MLIP: variants seen among roughly 807,000 people sequenced by gnomAD.
MLIP encodes the protein muscular LMNA-interacting protein.
MLIP carries 79 observed loss-of-function variants against 84.8 expected under a neutral mutation model. The observed-to-expected ratio is 0.93, with a 90% confidence interval of 0.78 to 1.12. MLIP has a LOEUF of 1.12. Ranked by LOEUF, MLIP falls within the 50% of genes most tolerant of loss-of-function variation. The pLI, the probability that MLIP is intolerant of heterozygous loss-of-function variation, is 0.00. For synonymous variants in MLIP, 504 were observed against 463.0 expected, an observed-to-expected ratio of 1.09 and a Z score of -1.14; for missense variants, 1,257 against 1,160.6, an observed-to-expected ratio of 1.08 and a Z score of -1.21.
At chr6:54,155,514 G>A (rs1429559596) in intron 5 of MLIP, among the ~76,000 whole-genome samples, 1 of 152,092 alleles carries the variant, frequency 6.6e-6, no homozygotes, top group Non-Finnish European at 1.5e-5. Context: ...AAAGTTTACA[G>A]ATTCTGTTAG....
chr6:54,146,577 TAATTCTA>T (rs1772863535), intron 4 of MLIP, among the ~76,000 whole-genome samples: 1 of 152,220 alleles, frequency 6.6e-6, no homozygotes, highest in African/African-American at 2.4e-5. Flanking sequence ...AATTTTGTAC[TAATTCTA>T]ACACTTAGAC....
rs548314495 is a variant in MLIP at position 54,058,763 on chromosome 6, T to C, written c.63+39672T>C. On this transcript the variant is annotated intron_variant, in intron 1 of 12. Transcript: ENST00000274897. The stretch of plus-strand genomic sequence containing the variant: ...ATCATACAAAAAATTGTTAGTGACA[T>C]TGGACCCTCAAACAAATATCAGATA... 7.2e-5 allele frequency among the ~76,000 whole-genome samples: 11 copies of C among 152,316 alleles called. No homozygotes were observed. In the East Asian group the frequency reaches 1.5e-3, roughly 21 times the overall value.
intron 8 of MLIP, among the ~76,000 whole-genome samples, chr6:54,162,571 TG>T (rs1774758445): frequency 6.6e-6 from 1 of 151,670 alleles, no homozygotes; most frequent in East Asian, 1.9e-4. Context: ...TCAGTGATGG[TG>T]GTCTGGATAG....
intron 1 of MLIP, among the ~76,000 whole-genome samples, chr6:54,078,507 C>T (rs1457710674): frequency 6.6e-6 from 1 of 152,076 alleles, no homozygotes; most frequent in East Asian, 1.9e-4. Flanking sequence ...CTGCTTCAGC[C>T]TGAGGCTGCT....
intron 12 of MLIP, among the ~76,000 whole-genome samples, chr6:54,240,448 T>G (rs540298499): frequency 6.6e-6 from 1 of 152,334 alleles, no homozygotes; most frequent in South Asian, 2.1e-4. Flanking sequence ...CAGAGAAATA[T>G]TCTAAACTAT....
intron 1 of MLIP, among the ~76,000 whole-genome samples, chr6:54,098,489 G>T (rs1768394559): frequency 6.6e-6 from 1 of 151,778 alleles, no homozygotes; most frequent in Non-Finnish European, 1.5e-5. Context: ...TGAAGGAGGA[G>T]GGGAAGCAGG....
At chr6:54,210,019 T>C (rs1779316716) in intron 11 of MLIP, among the ~76,000 whole-genome samples, 2 of 151,126 alleles carry the variant, frequency 1.3e-5, no homozygotes, top group Admixed American at 6.6e-5. Context: ...ATACAGTTAA[T>C]GGTTTAGAAC....
intron 9 of MLIP, among the ~76,000 whole-genome samples, chr6:54,185,378 T>C (rs1427552399): frequency 6.6e-6 from 1 of 152,216 alleles, no homozygotes; most frequent in Non-Finnish European, 1.5e-5. Flanking sequence ...ATAGCAGTGA[T>C]ACGGAGTTCA....
intron 1 of MLIP, among the ~76,000 whole-genome samples, chr6:54,096,466 C>T (rs1768220226): frequency 6.6e-6 from 1 of 151,834 alleles, no homozygotes; most frequent in South Asian, 2.1e-4. Context: ...ACTGTCACCT[C>T]CTTCAGGGTC....
intron 12 of MLIP, among the ~76,000 whole-genome samples, chr6:54,256,430 C>T (rs1442487603): frequency 6.6e-6 from 1 of 152,118 alleles, no homozygotes; most frequent in African/African-American, 2.4e-5. Context: ...GGGGTCCAAT[C>T]ATTTCAATAG....
At chr6:54,184,163 A>G (rs1479020675) in intron 9 of MLIP, among the ~76,000 whole-genome samples, 3 of 152,154 alleles carry the variant, frequency 2.0e-5, no homozygotes, top group Admixed American at 2.0e-4. Flanking sequence ...CAATTAGCAC[A>G]TTATCATGGA....
intron 4 of MLIP, among the ~76,000 whole-genome samples, chr6:54,143,166 T>C (rs191909444): frequency 9.1e-4 from 139 of 152,070 alleles, no homozygotes; most frequent in Admixed American, 1.8e-3. Flanking sequence ...TGTTCAATGA[T>C]TGACAAAAGC....
At chr6:54,198,725 C>T (rs1778465158) in intron 10 of MLIP, among the ~76,000 whole-genome samples, 1 of 152,120 alleles carries the variant, frequency 6.6e-6, no homozygotes, top group Admixed American at 6.6e-5. Flanking sequence ...ATTGCAAAAA[C>T]TAAAATCTAT....
chr6:54,249,224 T>G (rs1455035254), intron 12 of MLIP, among the ~76,000 whole-genome samples: 2 of 152,024 alleles, frequency 1.3e-5, no homozygotes, highest in African/African-American at 2.4e-5. Context: ...ACTCATCTAT[T>G]TAGGGCCCAG....
chr6:54,260,757 T>G (rs952329658), intron 13 of MLIP, among the ~76,000 whole-genome samples: 1 of 152,042 alleles, frequency 6.6e-6, no homozygotes, highest in East Asian at 1.9e-4. Flanking sequence ...TGAGATCCAC[T>G]GTAATTTCAT....
chr6:54,141,253 A>G (rs1772270472), intron 4 of MLIP, among the ~76,000 whole-genome samples: 1 of 148,898 alleles, frequency 6.7e-6, no homozygotes, highest in South Asian at 2.1e-4. Context: ...TTAAAATACT[A>G]TTTCACATTA....
At chr6:54,135,562 A>C (rs1771724942) in intron 3 of MLIP, among the ~76,000 whole-genome samples, 1 of 152,040 alleles carries the variant, frequency 6.6e-6, no homozygotes, top group Non-Finnish European at 1.5e-5. Context: ...TTTATTTGTA[A>C]AGTTTTGCTA....
chr6:54,089,804 C>T (rs1173372763), intron 1 of MLIP, among the ~76,000 whole-genome samples: 1 of 152,080 alleles, frequency 6.6e-6, no homozygotes, highest in Non-Finnish European at 1.5e-5. Context: ...TGCCGATCTT[C>T]AACATTTTCA....
At chr6:54,072,507 C>G (rs1766549124) in intron 1 of MLIP, among the ~76,000 whole-genome samples, 1 of 152,144 alleles carries the variant, frequency 6.6e-6, no homozygotes, top group African/African-American at 2.4e-5. Flanking sequence ...ACTTGGAAAT[C>G]CTATGATTCA....
Sources: allele counts gnomAD v4.1 joint callset (sites outside exome capture counted in the v4.1 genomes callset), GRCh38; gene constraint gnomAD v4.1.1; transcripts MANE v1.5; gene names NCBI Gene and HGNC (gene_info 2026-07-23, HGNC 2026-07-21).